Variants in DOK7 observed in about 807,000 individuals in gnomAD.
DOK7 encodes docking protein 7.
A neutral mutation model predicts 30.7 loss-of-function variants in DOK7; 32 were observed. That is an observed-to-expected ratio of 1.04 (90% confidence interval 0.79 to 1.40). The LOEUF (loss-of-function observed/expected upper bound fraction) is 1.40, where lower values mean the gene tolerates loss of function less well. Among genes scored for constraint, DOK7 ranks in the 40% most tolerant of loss-of-function variants. The pLI, the probability that DOK7 is intolerant of heterozygous loss-of-function variation, is 0.00. For synonymous variants in DOK7, 447 were observed against 324.1 expected, an observed-to-expected ratio of 1.38 and a Z score of -4.07; for missense variants, 1,007 against 699.2, an observed-to-expected ratio of 1.44 and a Z score of -4.97.
intron 4 of DOK7, among the ~76,000 whole-genome samples, chr4:3,480,838 C>T (rs1489758795): frequency 6.6e-6 from 1 of 152,094 alleles, no homozygotes; most frequent in Non-Finnish European, 1.5e-5. Flanking sequence ...GGTCCGGCCT[C>T]AGAGGCTGCG....
In DOK7 at chr4:3,494,201, C is replaced by T. The variant is rs767674885; in HGVS notation, c.*700C>T. 1.0e-6 allele frequency: 1 copy of T among 985,432 alleles called. No individual in the cohort carries two copies. The highest frequency in any genetic ancestry group is 1.7e-5 in the African/African-American group (1 of 57,258). 61.0% of individuals were successfully genotyped at this position (985,432 alleles called of 1,614,324 possible). A position where few individuals can be genotyped will look rare whatever the true frequency, so the allele number is the denominator to read the frequency against. ...GGGAGAGGCGCCGTGCCTCGGGCCC[C>T]TGGTGGGAGCTCTGCTGGCTCCTGT... On this transcript the variant is annotated 3_prime_UTR_variant, in exon 7 of 7. Coordinates refer to ENST00000340083, the MANE Select transcript of DOK7 (RefSeq NM_173660.5).
At chr4:3,478,498 GC>G (rs1727246224) in intron 4 of DOK7, among the ~76,000 whole-genome samples, 1 of 138,232 alleles carries the variant, frequency 7.2e-6, no homozygotes, top group African/African-American at 2.8e-5. Context: ...TGCAAACCAG[GC>G]TGGCCCCACA....
chr4:3,494,617 T>C (rs1278243880), downstream of DOK7: 3 of 809,566 alleles, frequency 3.7e-6, no homozygotes, highest in Non-Finnish European at 4.5e-6. Context: ...AGGCCTCATC[T>C]GTCTTGTGAG....
chr4:3,480,239 G>A (rs956295723), intron 4 of DOK7, among the ~76,000 whole-genome samples: 3 of 152,230 alleles, frequency 2.0e-5, no homozygotes, highest in Non-Finnish European at 4.4e-5. Context: ...TCCAGTCCAA[G>A]GACCATATCT....
chr4:3,490,613 C>T (rs1211497762), intron 6 of DOK7, among the ~76,000 whole-genome samples: 3 of 109,222 alleles, frequency 2.7e-5, no homozygotes, highest in African/African-American at 6.6e-5. Flanking sequence ...TCTCCCTGCT[C>T]GTTCATTCCT....
chr4:3,498,675 A>AGCTGGCCCT (rs1220621315), downstream of DOK7, among the ~76,000 whole-genome samples: 10 of 150,502 alleles, frequency 6.6e-5, no homozygotes, highest in Non-Finnish European at 1.3e-4. Flanking sequence ...TCCTCTAGGC[A>AGCTGGCCCT]GCTGGCCCTG....
At chr4:3,495,307 C>T (rs531806668), downstream of DOK7, among the ~76,000 whole-genome samples, 4 of 150,490 alleles carry the variant, frequency 2.7e-5, no homozygotes, top group African/African-American at 1.0e-4. Flanking sequence ...TGCTGGGGAG[C>T]CAGGCCCTTC....
In DOK7 at chr4:3,493,940, T is replaced by G. The variant is rs1728730497; in HGVS notation, c.*439T>G. On this transcript the variant is annotated 3_prime_UTR_variant, in exon 7 of 7. Coordinates refer to ENST00000340083, the MANE Select transcript of DOK7 (RefSeq NM_173660.5). ...CTCTCTGGGGCAGTCACACCACCTG[T>G]TAAGCATCAAGCTACCACAGAGGCT... 9.9e-7 allele frequency: 1 copy of G among 1,014,640 alleles called. No individual in the cohort carries two copies. The highest frequency in any genetic ancestry group is 1.7e-5 in the African/African-American group (1 of 57,852). 62.9% of individuals were successfully genotyped at this position (1,014,640 alleles called of 1,614,324 possible).
chr4:3,486,580 G>A (rs971752134), intron 5 of DOK7, among the ~76,000 whole-genome samples: 8 of 152,326 alleles, frequency 5.3e-5, no homozygotes, highest in African/African-American at 7.2e-5. Context: ...GCAAAGTCCC[G>A]TTGGGGGCAG....
intron 4 of DOK7, chr4:3,484,439 G>T (rs1453457826): frequency 1.0e-6 from 1 of 970,746 alleles, no homozygotes; most frequent in African/African-American, 1.8e-5. Context: ...CTTCCCTCCT[G>T]CGTACCTTTC....
At chr4:3,496,159 G>A (rs533384549), downstream of DOK7, among the ~76,000 whole-genome samples, 5 of 152,358 alleles carry the variant, frequency 3.3e-5, no homozygotes, top group South Asian at 6.2e-4. Context: ...GCCGTGGGCC[G>A]CTGTCCCTCC....
At chr4:3,472,873 C>T (rs1033392589) in intron 2 of DOK7, among the ~76,000 whole-genome samples, 32 of 152,202 alleles carry the variant, frequency 2.1e-4, no homozygotes, top group Admixed American at 1.8e-3. Context: ...ACCTCCCCTA[C>T]CCCCTGGGGC....
At chr4:3,467,014 C>G (rs1429989512) in intron 2 of DOK7, among the ~76,000 whole-genome samples, 1 of 152,212 alleles carries the variant, frequency 6.6e-6, no homozygotes, top group Non-Finnish European at 1.5e-5. Context: ...TGGCCGCCCC[C>G]CTTGCTCCTG....
chr4:3,481,953 A>G (rs574613255), intron 4 of DOK7, among the ~76,000 whole-genome samples: 1 of 152,158 alleles, frequency 6.6e-6, no homozygotes, highest in East Asian at 1.9e-4. Flanking sequence ...CAGCAACCCC[A>G]GCCTCTGTCC....
chr4:3,483,354 A>G (rs1727551860), intron 4 of DOK7, among the ~76,000 whole-genome samples: 2 of 151,434 alleles, frequency 1.3e-5, no homozygotes, highest in Admixed American at 6.6e-5. Context: ...GCGGGGGTGG[A>G]GCATGAACCC....
intron 6 of DOK7, among the ~76,000 whole-genome samples, chr4:3,491,534 TTCCTTCTCCCACCTATTCATTCATTC>T (rs1728451790): frequency 6.2e-5 from 1 of 16,220 alleles, no homozygotes; most frequent in Non-Finnish European, 1.5e-4. Context: ...CATTCATTTC[TTCCTTCTCCCACCTATTCATTCATTC>T]CTTCCTTCAC....
intron 4 of DOK7, among the ~76,000 whole-genome samples, chr4:3,479,743 G>A (rs1044143633): frequency 1.3e-5 from 2 of 152,216 alleles, no homozygotes; most frequent in Admixed American, 1.3e-4. Flanking sequence ...GGCCTGGCTG[G>A]TCTTGGTGCC....
chr4:3,466,164 C>T (rs566394718), intron 2 of DOK7, among the ~76,000 whole-genome samples: 2 of 149,666 alleles, frequency 1.3e-5, no homozygotes, highest in Non-Finnish European at 2.9e-5. Flanking sequence ...AAGACATGGA[C>T]TGCTGGGCAG....
intron 4 of DOK7, chr4:3,484,518 G>C: frequency 1.0e-6 from 1 of 985,538 alleles, no homozygotes; most frequent in Non-Finnish European, 1.2e-6. Flanking sequence ...GGAGTGTCCA[G>C]CCGGGTGCAG....
Sources: allele counts gnomAD v4.1 joint callset (sites outside exome capture counted in the v4.1 genomes callset), GRCh38; gene constraint gnomAD v4.1.1; transcripts MANE v1.5; gene names NCBI Gene and HGNC (gene_info 2026-07-23, HGNC 2026-07-21).